The following GALNT13 variants were observed in gnomAD, a reference collection of about 807,000 sequenced individuals.
GALNT13 encodes UDP-GalNAc:polypeptide N-acetylgalactosaminyltransferase 13.
Under a neutral mutation model 64.2 loss-of-function variants are expected in GALNT13, and 28 were observed. The observed-to-expected ratio is 0.44, with a 90% confidence interval of 0.32 to 0.60. GALNT13 has a LOEUF of 0.60. Ranked by LOEUF, GALNT13 falls within the 20% of genes least tolerant of loss-of-function variation. The pLI is 0.05. For missense variants in GALNT13, 577 were observed against 669.8 expected (o/e 0.86, Z 1.53); for synonymous variants, 214 against 224.6 (o/e 0.95, Z 0.42).
chr2:153,299,255 C>T, the GALNT13 span, among the ~76,000 whole-genome samples: 4 of 152,246 alleles, frequency 2.6e-5, no homozygotes, highest in South Asian at 2.1e-4. Flanking sequence ...TTATTTGCAA[C>T]GTTGTTTCAG....
the GALNT13 span, among the ~76,000 whole-genome samples, chr2:153,588,608 A>T: frequency 6.6e-6 from 1 of 152,056 alleles, no homozygotes; most frequent in African/African-American, 2.4e-5. Context: ...ATTTCCTCCT[A>T]GGCCTCCAGG....
chr2:153,389,675 G>A, the GALNT13 span, among the ~76,000 whole-genome samples: 4 of 152,156 alleles, frequency 2.6e-5, no homozygotes, highest in Non-Finnish European at 5.9e-5. Context: ...ACCTTGCCTT[G>A]GTGATGGTAG....
chr2:154,286,839 A>C, intron 8 of GALNT13: 2 of 340,498 alleles, frequency 5.9e-6, no homozygotes, highest in South Asian at 2.7e-5. Flanking sequence ...CTGGTAGCAA[A>C]GACTTACAGA....
the GALNT13 span, among the ~76,000 whole-genome samples, chr2:153,388,204 C>A: frequency 6.6e-6 from 1 of 152,074 alleles, no homozygotes; most frequent in Non-Finnish European, 1.5e-5. Flanking sequence ...AATATGACCT[C>A]TAACTATACC....
chr2:154,313,421 T>G (rs62172261), intron 9 of GALNT13, among the ~76,000 whole-genome samples: 32,667 of 84,384 alleles, frequency 0.39, 4,169 homozygotes, highest in Middle Eastern at 0.52. Context: ...AGTAGAGATA[T>G]ATATATATAT....
At position 153,906,570 on chromosome 2, in the gene GALNT13, C is replaced by T. The variant is rs557546001; in HGVS notation, c.-105+5563C>T. 4.5e-3 allele frequency among the ~76,000 whole-genome samples: 675 copies of T among 151,278 alleles called. 4 individuals carry two copies. Among genetic ancestry groups the T allele is most frequent in the African/African-American group, 0.016 (641 of 41,176 alleles). On this transcript the variant is annotated intron_variant, in intron 2 of 12. Coordinates refer to ENST00000392825, the MANE Select transcript of GALNT13 (RefSeq NM_052917.4). ...TTCATCCATGTCCCTACAAAGGACA[C>T]GAACTCATCATTTTTTATGGCTGCA...
At chr2:153,606,422 G>A in the GALNT13 span, among the ~76,000 whole-genome samples, 28 of 152,190 alleles carry the variant, frequency 1.8e-4, no homozygotes, top group African/African-American at 6.7e-4. Context: ...GGCTGCATGT[G>A]GCCCAGGATG....
Position 153,944,375 on chromosome 2 carries a change from C to CT in GALNT13, c.-104-17dup. ...CTATGTGTACAATTAATGAAATTTT[C>CT]TTCTTTGTTTTAATGCAGTGGAATG... On this transcript the variant is annotated intron_variant, in intron 2 of 12. Coordinates refer to ENST00000392825, the MANE Select transcript of GALNT13 (RefSeq NM_052917.4). 1.3e-6 allele frequency: 1 copy of CT among 772,232 alleles called. No individual in the cohort carries two copies. Among genetic ancestry groups the CT allele is most frequent in the African/African-American group, 1.8e-5 (1 of 56,856 alleles). 47.8% of individuals were successfully genotyped at this position (772,232 alleles called of 1,614,324 possible). A position where few individuals can be genotyped will look rare whatever the true frequency, so the allele number is the denominator to read the frequency against.
At chr2:153,721,432 T>C in the GALNT13 span, among the ~76,000 whole-genome samples, 1 of 146,558 alleles carries the variant, frequency 6.8e-6, no homozygotes, top group African/African-American at 2.6e-5. Context: ...GCTAACATCA[T>C]AATGACAGGA....
chr2:154,116,409 G>A (rs1681566319), intron 3 of GALNT13, among the ~76,000 whole-genome samples: 1 of 152,038 alleles, frequency 6.6e-6, no homozygotes, highest in Non-Finnish European at 1.5e-5. Context: ...CACAATTTCA[G>A]CTCTTTCTCT....
At chr2:154,182,603 A>T (rs1573825746) in intron 4 of GALNT13, among the ~76,000 whole-genome samples, 2 of 149,716 alleles carry the variant, frequency 1.3e-5, no homozygotes, top group South Asian at 4.2e-4. Flanking sequence ...TTTTATAAGA[A>T]ATTAAAGCAG....
the GALNT13 span, among the ~76,000 whole-genome samples, chr2:153,197,066 G>T: frequency 6.6e-6 from 1 of 152,216 alleles, no homozygotes; most frequent in Non-Finnish European, 1.5e-5. Flanking sequence ...GTGTACAGGT[G>T]AGTGTAGGTG....
the GALNT13 span, among the ~76,000 whole-genome samples, chr2:153,788,001 C>T: frequency 5.9e-5 from 9 of 152,122 alleles, no homozygotes; most frequent in African/African-American, 2.2e-4. Flanking sequence ...AAGCAAACAA[C>T]TTGAAAAACA....
At chr2:154,383,100 G>A (rs1418394348) in intron 9 of GALNT13, among the ~76,000 whole-genome samples, 1 of 151,902 alleles carries the variant, frequency 6.6e-6, no homozygotes, top group Non-Finnish European at 1.5e-5. Flanking sequence ...CTGAGCCAGA[G>A]TAAGTGGTTG....
chr2:154,171,367 A>AACG (rs1685336797), intron 4 of GALNT13, among the ~76,000 whole-genome samples: 1 of 152,158 alleles, frequency 6.6e-6, no homozygotes, highest in Admixed American at 6.6e-5. Context: ...TCATGGCTTG[A>AACG]ACGACAATAT....
At chr2:153,662,672 A>G in the GALNT13 span, among the ~76,000 whole-genome samples, 3 of 152,354 alleles carry the variant, frequency 2.0e-5, no homozygotes, top group East Asian at 3.9e-4. Flanking sequence ...TCCAGTTTCT[A>G]TAATCAAATT....
the GALNT13 span, among the ~76,000 whole-genome samples, chr2:153,242,236 A>G: frequency 3.9e-5 from 6 of 152,256 alleles, no homozygotes; most frequent in African/African-American, 1.4e-4. Context: ...TTCTGGAATG[A>G]TTCTATTCTG....
chr2:153,984,942 A>G (rs761107340), intron 3 of GALNT13, among the ~76,000 whole-genome samples: 1 of 151,868 alleles, frequency 6.6e-6, no homozygotes, highest in Non-Finnish European at 1.5e-5. Flanking sequence ...GTGATAAAAT[A>G]TGCATAATTT....
At chr2:154,366,685 G>A (rs1056869980) in intron 9 of GALNT13, among the ~76,000 whole-genome samples, 33 of 152,136 alleles carry the variant, frequency 2.2e-4, no homozygotes, top group African/African-American at 5.6e-4. Flanking sequence ...TCAAGGAAGC[G>A]GGAATTTGCG....
Sources: gnomAD v4.1 joint callset for allele counts (sites outside exome capture counted in the v4.1 genomes callset) on GRCh38, gnomAD v4.1.1 for gene constraint, MANE v1.5 for transcripts, NCBI Gene and HGNC (gene_info 2026-07-23, HGNC 2026-07-21) for gene names.